The following MAP3K13 variants were observed in gnomAD, a reference collection of about 807,000 sequenced individuals.
The protein encoded by MAP3K13 is leucine zipper-bearing kinase.
MAP3K13 carries 52 observed loss-of-function variants against 104.0 expected under a neutral mutation model. The ratio of observed to expected loss-of-function variants is 0.50; its 90% CI spans 0.40 to 0.63. The LOEUF (loss-of-function observed/expected upper bound fraction) is 0.63, where lower values mean the gene tolerates loss of function less well. Ranked by LOEUF, MAP3K13 falls within the 20% of genes least tolerant of loss-of-function variation. The pLI is 0.00. For missense variants in MAP3K13, 914 were observed against 1,218.5 expected (o/e 0.75, Z 3.72); for synonymous variants, 394 against 442.2 (o/e 0.89, Z 1.37).
intron 1 of MAP3K13, among the ~76,000 whole-genome samples, chr3:185,374,775 G>A (rs965333412): frequency 6.6e-6 from 1 of 151,538 alleles, no homozygotes; most frequent in Admixed American, 6.6e-5. Context: ...TTTTAGCAGT[G>A]AGTAAGTCAA....
intron 7 of MAP3K13, among the ~76,000 whole-genome samples, chr3:185,459,998 G>A (rs190795146): frequency 2.6e-4 from 40 of 152,270 alleles, no homozygotes; most frequent in Non-Finnish European, 5.4e-4. Context: ...CTTGTTTCAC[G>A]TGGTGTGTTT....
chr3:185,391,553 ACT>A (rs1712054197), intron 1 of MAP3K13, among the ~76,000 whole-genome samples: 2 of 152,232 alleles, frequency 1.3e-5, no homozygotes, highest in African/African-American at 4.8e-5. Flanking sequence ...CCTCTAATGT[ACT>A]GTTTCTGTGC....
At chr3:185,338,780 T>C (rs1164935394) in intron 2 of MAP3K13, among the ~76,000 whole-genome samples, 1 of 152,194 alleles carries the variant, frequency 6.6e-6, no homozygotes, top group Non-Finnish European at 1.5e-5. Context: ...ATAATTGTGA[T>C]GGCAGTTACA....
chr3:185,447,418 C>A (rs1356356973), intron 4 of MAP3K13, among the ~76,000 whole-genome samples: 1 of 137,872 alleles, frequency 7.3e-6, no homozygotes, highest in Non-Finnish European at 1.5e-5. Flanking sequence ...CCCTTGAACC[C>A]GGGAGGCAGA....
chr3:185,418,493 A>G lies in MAP3K13; in HGVS notation c.-85-10004A>G. The G allele has an allele frequency of 3.1e-6, 5 of 1,611,934 alleles. No homozygotes were observed. Among genetic ancestry groups the G allele is most frequent in the Non-Finnish European group, 4.2e-6 (5 of 1,179,772 alleles). The stretch of plus-strand genomic sequence containing the variant: ...GGTGCAAACCTTCGGCCTCCACGAC[A>G]CATGTTTCCAAAAGCACCCTGGCCA... On this transcript the variant is annotated intron_variant, in intron 1 of 13. Coordinates refer to ENST00000265026, the MANE Select transcript of MAP3K13 (RefSeq NM_004721.5). This position sits in a 1 kb window ranked among gnomAD's most constrained non-coding sequence, Gnocchi z 4.5.
intron 1 of MAP3K13, among the ~76,000 whole-genome samples, chr3:185,417,155 C>T (rs1217385689): frequency 6.6e-6 from 1 of 152,050 alleles, no homozygotes; most frequent in East Asian, 1.9e-4. Flanking sequence ...TGTCAGGGAC[C>T]AACTTAAGTT....
At position 185,421,144 on chromosome 3, in the gene MAP3K13, TTTTTCTTTTC is replaced by T. The variant is rs796992502; in HGVS notation, c.-85-7338_-85-7329del. Among the ~76,000 whole-genome samples, 26 of 152,158 alleles carry T rather than the reference TTTTTCTTTTC, an allele frequency of 1.7e-4. No individual in the cohort carries two copies. The East Asian group carries it at 1.7e-3, about 10-fold the overall frequency. On this transcript the variant is annotated intron_variant, in intron 1 of 13. Transcript: ENST00000265026. ...CCTTCCCGGAGTACTTTCTTTTTCT[TTTTTCTTTTC>T]TTTTCTTTTCTTTTTTTGTTTTGTT...
chr3:185,370,053 G>A (rs887362123), intron 1 of MAP3K13, among the ~76,000 whole-genome samples: 2 of 152,178 alleles, frequency 1.3e-5, no homozygotes, highest in Non-Finnish European at 2.9e-5. Context: ...TGTTCTTAGT[G>A]ATCTCAGATG....
intron 1 of MAP3K13, among the ~76,000 whole-genome samples, chr3:185,424,861 G>T (rs559475199): frequency 3.9e-5 from 6 of 152,188 alleles, no homozygotes; most frequent in South Asian, 2.1e-4. Flanking sequence ...GCCTTGCTCT[G>T]TTGCCCAGCC....
chr3:185,464,003 G>T (rs1302348341), intron 8 of MAP3K13, among the ~76,000 whole-genome samples: 1 of 152,148 alleles, frequency 6.6e-6, no homozygotes. Flanking sequence ...GAGATATAAG[G>T]CCAGGTGCAG....
Position 185,466,943 on chromosome 3 carries a change from A to T in MAP3K13, c.1623A>T (p.Lys541Asn), listed in dbSNP as rs1171812716. Residue 541 changes from lysine (K) to asparagine (N), a missense_variant, in exon 10 of 14, where the codon AAA becomes AAT. This residue lies in a region of MAP3K13 where 583 missense variants were observed against 737.4 expected (regional missense o/e 0.79). Coordinates refer to ENST00000265026, the MANE Select transcript of MAP3K13 (RefSeq NM_004721.5). The stretch of plus-strand genomic sequence containing the variant: ...TGAAAAGGAAAGGAGTGCCTCACAA[A>T]TCTGGGATGCAGACCAAACGGTGAG... ...KLMKRKGVPH[K>N]SGMQTKRPDL... The T allele has an allele frequency of 2.2e-5, 36 of 1,613,992 alleles. No individual in the cohort carries two copies. Among genetic ancestry groups the T allele is most frequent in the Non-Finnish European group, 3.1e-5 (36 of 1,179,864 alleles).
chr3:185,437,302 G>A lies in MAP3K13; in HGVS notation c.476-145G>A. The A allele has an allele frequency of 8.3e-6, 5 of 601,136 alleles. No individual in the cohort carries two copies. The South Asian group carries it at 1.2e-4, about 15-fold the overall frequency. The allele number at this position is 601,136 out of a possible 1,614,324, so 37.2% of individuals were successfully genotyped here. ...ATGAATATTTGATCTATAGTTCCAA[G>A]GTACATAGGAAGGTTCTATCTTTTG... On this transcript the variant is annotated intron_variant, in intron 2 of 13. Coordinates refer to ENST00000265026, the MANE Select transcript of MAP3K13 (RefSeq NM_004721.5).
intron 2 of MAP3K13, among the ~76,000 whole-genome samples, chr3:185,346,987 G>GTTTT (rs201877429): frequency 0.14 from 18,221 of 127,372 alleles, 1,868 homozygotes; most frequent in African/African-American, 0.27. Flanking sequence ...CACAAAGGAA[G>GTTTT]TTTTTTTTTT....
intron 7 of MAP3K13, among the ~76,000 whole-genome samples, chr3:185,460,362 A>G (rs1717026792): frequency 6.6e-6 from 1 of 152,170 alleles, no homozygotes; most frequent in Non-Finnish European, 1.5e-5. Flanking sequence ...CCTCTTATCA[A>G]TACTGTGGAC....
rs1463013047 is a variant in MAP3K13, at chr3:185,418,226, C to T, written c.-85-10271C>T. Reference sequence around the variant, plus strand: ...TTGCCAGCTCTCATTCGCTGAGAGGCATAGACCTTTTCGATATCATTCCAG... The same window carrying T: ...TTGCCAGCTCTCATTCGCTGAGAGGTATAGACCTTTTCGATATCATTCCAG... On this transcript the variant is annotated intron_variant, in intron 1 of 13. Transcript: ENST00000265026. The surrounding 1 kb of genome is among the most constrained non-coding windows in gnomAD (Gnocchi z 4.5). 6 of 1,610,264 alleles carry T rather than the reference C, an allele frequency of 3.7e-6. No homozygotes were observed. Among genetic ancestry groups the T allele is most frequent in the Non-Finnish European group, 5.1e-6 (6 of 1,177,842 alleles).
At position 185,483,704 on chromosome 3, in the gene MAP3K13, A is replaced by G. The variant is rs1199215712; in HGVS notation, c.*1248A>G. On this transcript the variant is annotated 3_prime_UTR_variant, in exon 14 of 14. Coordinates refer to ENST00000265026, the MANE Select transcript of MAP3K13 (RefSeq NM_004721.5). ...TTTATTCAATAACTCATTCTATCTTAGAAGTTCTTTTTTTTTTTTTTTTTT... is the reference window on the plus strand; with the variant it reads ...TTTATTCAATAACTCATTCTATCTTGGAAGTTCTTTTTTTTTTTTTTTTTT... 9.2e-4 allele frequency: 10 copies of G among 10,884 alleles called. No homozygotes were observed. Among genetic ancestry groups the G allele is most frequent in the African/African-American group, 4.9e-3 (10 of 2,044 alleles). 0.7% of individuals were successfully genotyped at this position (10,884 alleles called of 1,614,324 possible).
At chr3:185,441,612 T>C (rs1468612820) in intron 3 of MAP3K13, among the ~76,000 whole-genome samples, 3 of 152,144 alleles carry the variant, frequency 2.0e-5, no homozygotes, top group African/African-American at 2.4e-5. Flanking sequence ...ATATATAATA[T>C]GTTGTATAGG....
intron 2 of MAP3K13, among the ~76,000 whole-genome samples, chr3:185,294,711 A>G (rs528975320): frequency 6.6e-6 from 1 of 152,116 alleles, no homozygotes; most frequent in African/African-American, 2.4e-5. Context: ...TTCTTCCTCC[A>G]CTCCTTTGCC....
At chr3:185,469,569 A>T (rs559377154) in intron 10 of MAP3K13, among the ~76,000 whole-genome samples, 2 of 152,338 alleles carry the variant, frequency 1.3e-5, no homozygotes, top group South Asian at 4.1e-4. Context: ...TACCCACCTT[A>T]TCATAAACCC....
Sources: allele counts gnomAD v4.1 joint callset (sites outside exome capture counted in the v4.1 genomes callset), GRCh38; gene constraint gnomAD v4.1.1; regional missense constraint gnomAD v4.1.1; non-coding constraint Gnocchi (gnomAD v3.1); transcripts MANE v1.5; gene names NCBI Gene and HGNC (gene_info 2026-07-23, HGNC 2026-07-21).